The following ZMYM5 variants were observed in gnomAD, a reference collection of about 807,000 sequenced individuals.
The protein encoded by ZMYM5 is zinc finger MYM-type protein 5.
A neutral mutation model predicts 61.8 loss-of-function variants in ZMYM5; 41 were observed. That is an observed-to-expected ratio of 0.66 (90% CI 0.52 to 0.86). ZMYM5 has a LOEUF of 0.86. Ranked by LOEUF, ZMYM5 falls within the 40% of genes least tolerant of loss-of-function variation. The pLI, the probability that ZMYM5 is intolerant of heterozygous loss-of-function variation, is 0.00. For missense variants in ZMYM5, 706 were observed against 786.7 expected (o/e 0.90, Z 1.23); for synonymous variants, 257 against 276.4 (o/e 0.93, Z 0.70).
At chr13:19,860,935 C>CGTGTGT (rs10690639) in intron 2 of ZMYM5, among the ~76,000 whole-genome samples, 1,452 of 136,816 alleles carry the variant, frequency 0.011, 11 homozygotes, top group Middle Eastern at 0.023. Context: ...TATATGCGCA[C>CGTGTGT]GTGTGTGTGT....
chr13:19,833,552 C>A (rs1245785310), intron 7 of ZMYM5, among the ~76,000 whole-genome samples: 3 of 152,090 alleles, frequency 2.0e-5, no homozygotes, highest in Non-Finnish European at 4.4e-5. Flanking sequence ...GTCTTAAAGT[C>A]AGGAAGTTGA....
chr13:19,850,339 C>T (rs1008241275), intron 4 of ZMYM5, among the ~76,000 whole-genome samples: 1 of 152,182 alleles, frequency 6.6e-6, no homozygotes, highest in Non-Finnish European at 1.5e-5. Flanking sequence ...GTGGCTCACA[C>T]CTGTAATCCC....
chr13:19,824,640 G>T lies in ZMYM5; in HGVS notation c.1847C>A (p.Ser616Ter). The part of the protein sequence containing the change: ...ENGCKDWQHL[S>*]HILSKHEESE... ...TTCTTCATGTTTACTAAGAATATGT[G>T]ATAAATGTTGCCAATCTTTGCACCC... The change falls in exon 8 of 8, where the codon TCA becomes TAA. Residue 616 changes from serine (S) to a stop codon, truncating the protein, a stop_gained. Transcript: ENST00000337963. LOFTEE classifies it high-confidence loss of function. 2 of 1,320,086 alleles carry T rather than the reference G, an allele frequency of 1.5e-6. No homozygotes were observed. Among genetic ancestry groups the T allele is most frequent in the South Asian group, 2.5e-5 (2 of 81,146 alleles). 81.8% of individuals were successfully genotyped at this position (1,320,086 alleles called of 1,614,324 possible).
intron 2 of ZMYM5, among the ~76,000 whole-genome samples, chr13:19,858,664 C>G (rs1373002444): frequency 6.9e-6 from 1 of 144,888 alleles, no homozygotes; most frequent in African/African-American, 2.5e-5. Context: ...CTCCCCTAAA[C>G]AGGACTACCA....
chr13:19,836,012 C>T (rs572952248), intron 6 of ZMYM5, among the ~76,000 whole-genome samples: 5 of 152,092 alleles, frequency 3.3e-5, no homozygotes, highest in East Asian at 1.9e-4. Flanking sequence ...TTAGTAGAGA[C>T]GGGGTTTCAC....
chr13:19,838,943 T>TA lies in ZMYM5; in HGVS notation c.628_629insT (p.Lys210IlefsTer16). 6.2e-7 allele frequency: 1 copy of TA among 1,614,108 alleles called. No individual in the cohort carries two copies. Among genetic ancestry groups the TA allele is most frequent in the Non-Finnish European group, 8.5e-7 (1 of 1,180,000 alleles). The stretch of plus-strand genomic sequence containing the variant: ...TGATAAAGAATCCACCCCTGGCTGT[T>TA]TCTGATTACTGGGAAATGAAGCTGA... On this transcript the variant is annotated frameshift_variant, in exon 5 of 8. Transcript: ENST00000337963. LOFTEE classifies it high-confidence loss of function.
At position 19,851,945 on chromosome 13, in the gene ZMYM5, T is replaced by G; in HGVS notation, c.236A>C (p.Gln79Pro). 1 of 1,613,972 alleles carries G rather than the reference T, an allele frequency of 6.2e-7. No individual in the cohort carries two copies. Among genetic ancestry groups the G allele is most frequent in the Non-Finnish European group, 8.5e-7 (1 of 1,179,996 alleles). ...TGATGATGCAAATATGAAGTTTCTT[T>G]GATCAGCTATTGCTGGAGCAGAAAT... ...PSISAPAIAD[Q>P]RNFIFASSKN... Residue 79 changes from glutamine to proline, a missense_variant, in exon 3 of 8, where the codon CAA becomes CCA. By Grantham distance (76) the Gln-to-Pro change is moderately conservative. This residue lies in a region of ZMYM5 where 480 missense variants were observed against 461.7 expected (regional missense o/e 1.04). Transcript: ENST00000337963.
At chr13:19,860,002 G>A (rs1953670714) in intron 2 of ZMYM5, among the ~76,000 whole-genome samples, 1 of 146,480 alleles carries the variant, frequency 6.8e-6, no homozygotes, top group African/African-American at 2.5e-5. Context: ...TACTCAGGAG[G>A]CTGAGGCACA....
intron 4 of ZMYM5, 47 bp downstream of exon 4, chr13:19,851,308 C>T: frequency 6.6e-7 from 1 of 1,513,394 alleles, no homozygotes; most frequent in Non-Finnish European, 9.2e-7. Context: ...AAAGAACAGC[C>T]AAAGGCTTAT....
At chr13:19,837,343 G>A in intron 6 of ZMYM5, 2 of 1,167,032 alleles carry the variant, frequency 1.7e-6, no homozygotes, top group Non-Finnish European at 2.2e-6. Flanking sequence ...TCCAGCCCTT[G>A]ACCCCCAACT....
Position 19,850,578 on chromosome 13 carries a change from G to T in ZMYM5, c.586+777C>A, listed in dbSNP as rs1178898822. 2.0e-5 allele frequency among the ~76,000 whole-genome samples: 3 copies of T among 151,528 alleles called. No homozygotes were observed. In the South Asian group the frequency reaches 6.2e-4, roughly 31 times the overall value. On this transcript the variant is annotated intron_variant, in intron 4 of 7. Transcript: ENST00000337963. ...ATGACGCCATTGCACTCCAGCCTGG[G>T]CAAAAAGAGCAAAACTCTGTCTCAA...
chr13:19,843,045 G>A lies in ZMYM5; in HGVS notation c.587-4060C>T, dbSNP rs1003938300. Among the ~76,000 whole-genome samples, 6 of 151,262 alleles carry A rather than the reference G, an allele frequency of 4.0e-5. No individual in the cohort carries two copies. In the East Asian group the frequency reaches 7.8e-4, roughly 20 times the overall value. ...TGCCCAGTCTGGTCTCAAATTTCTG[G>A]GATCAAGCAATCCTCCTGCATCGGC... On this transcript the variant is annotated intron_variant, in intron 4 of 7. Transcript: ENST00000337963.
chr13:19,854,869 T>C (rs948105255), intron 2 of ZMYM5, among the ~76,000 whole-genome samples: 1 of 152,194 alleles, frequency 6.6e-6, no homozygotes, highest in Non-Finnish European at 1.5e-5. Context: ...CCAAGAAATC[T>C]GACTCTAAAA....
chr13:19,840,612 G>A (rs1223072573), intron 4 of ZMYM5, among the ~76,000 whole-genome samples: 2 of 151,996 alleles, frequency 1.3e-5, no homozygotes, highest in South Asian at 2.1e-4. Context: ...GGACTCAAGC[G>A]ATCTTCCTGC....
intron 7 of ZMYM5, among the ~76,000 whole-genome samples, chr13:19,830,050 T>C (rs1891125065): frequency 6.6e-6 from 1 of 152,164 alleles, no homozygotes; most frequent in South Asian, 2.1e-4. Flanking sequence ...CTCTATCCAC[T>C]AGAGTCCAGC....
intron 4 of ZMYM5, among the ~76,000 whole-genome samples, chr13:19,840,867 C>T (rs1467852156): frequency 2.6e-5 from 4 of 151,980 alleles, no homozygotes; most frequent in South Asian, 2.1e-4. Context: ...TTAGTAGAGA[C>T]GGGGTTTCAC....
At chr13:19,831,686 G>T (rs1239115940) in intron 7 of ZMYM5, among the ~76,000 whole-genome samples, 2 of 148,452 alleles carry the variant, frequency 1.3e-5, no homozygotes, top group Non-Finnish European at 3.0e-5. Context: ...TGTAATCCCA[G>T]CTACTTGGGA....
chr13:19,835,619 C>A lies in ZMYM5; in HGVS notation c.1109G>T (p.Arg370Ile). The change falls in exon 7 of 8, where the codon AGA (arginine) becomes ATA (isoleucine). Residue 370 changes from arginine to isoleucine, a missense_variant. Arg to Ile is a moderately conservative substitution (Grantham distance 97). This residue lies in a region of ZMYM5 where 480 missense variants were observed against 461.7 expected (regional missense o/e 1.04). Transcript: ENST00000337963. ...GTTCATTATTAGACCATTGGCCAAT[C>A]TGTACTTATTAAAGCAATGGTTACT... ...LCSNHCFNKYRLANGLIMNCC... is the reference protein window; with the variant it reads ...LCSNHCFNKYILANGLIMNCC... The A allele has an allele frequency of 1.5e-6, 2 of 1,367,684 alleles. No individual in the cohort carries two copies. Among genetic ancestry groups the A allele is most frequent in the Non-Finnish European group, 2.0e-6 (2 of 1,021,850 alleles). The allele number at this position is 1,367,684 out of a possible 1,614,324, so 84.7% of individuals were successfully genotyped here.
chr13:19,848,187 G>A (rs1038154928), intron 4 of ZMYM5, among the ~76,000 whole-genome samples: 8 of 151,986 alleles, frequency 5.3e-5, no homozygotes, highest in Admixed American at 2.0e-4. Context: ...GTTTCACCAT[G>A]TTGGCCAGGC....
Sources: allele counts gnomAD v4.1 joint callset (sites outside exome capture counted in the v4.1 genomes callset), GRCh38; gene constraint gnomAD v4.1.1; regional missense constraint gnomAD v4.1.1; transcripts MANE v1.5; gene names NCBI Gene and HGNC (gene_info 2026-07-23, HGNC 2026-07-21).